FRMD4B: variants seen among roughly 807,000 people sequenced by gnomAD.
FRMD4B encodes FERM domain containing 4B, also known as FERM domain-containing protein 4B.
A neutral mutation model predicts 141.5 loss-of-function variants in FRMD4B; 74 were observed. That is an observed-to-expected ratio of 0.52 (90% confidence interval 0.43 to 0.63). The LOEUF is 0.63. FRMD4B is among the 30% of genes least tolerant of loss of function. FRMD4B has a pLI of 0.00. For missense variants in FRMD4B, 1,366 were observed against 1,253.4 expected (o/e 1.09, Z -1.36); for synonymous variants, 506 against 467.9 (o/e 1.08, Z -1.05).
chr3:69,216,034 A>C (rs2093136618), intron 11 of FRMD4B, among the ~76,000 whole-genome samples: 1 of 152,062 alleles, frequency 6.6e-6, no homozygotes, highest in Non-Finnish European at 1.5e-5. Flanking sequence ...TGTGCCTGTA[A>C]TCCCAGCTAC....
intron 1 of FRMD4B, among the ~76,000 whole-genome samples, chr3:69,498,233 C>G (rs904639654): frequency 2.0e-5 from 3 of 152,180 alleles, no homozygotes; most frequent in African/African-American, 7.2e-5. Context: ...GTTGAACATT[C>G]ATCTTCATTT....
intron 4 of FRMD4B, among the ~76,000 whole-genome samples, chr3:69,288,293 G>C (rs1196896919): frequency 6.6e-6 from 1 of 152,230 alleles, no homozygotes; most frequent in Non-Finnish European, 1.5e-5. Context: ...GGGGCCTGAG[G>C]GCCCCATGCC....
chr3:69,360,920 T>G (rs1703453383), intron 1 of FRMD4B, among the ~76,000 whole-genome samples: 1 of 152,200 alleles, frequency 6.6e-6, no homozygotes, highest in Admixed American at 6.5e-5. Flanking sequence ...CTATTATCCC[T>G]TACTTACTAG....
At chr3:69,534,075 A>G (rs1168343833) in intron 1 of FRMD4B, among the ~76,000 whole-genome samples, 1 of 152,194 alleles carries the variant, frequency 6.6e-6, no homozygotes, top group Non-Finnish European at 1.5e-5. Context: ...CCCGTACCAG[A>G]TCTACTGAAT....
intron 4 of FRMD4B, among the ~76,000 whole-genome samples, chr3:69,298,026 C>G (rs1194781488): frequency 6.6e-6 from 1 of 152,174 alleles, no homozygotes; most frequent in Non-Finnish European, 1.5e-5. Context: ...TGTTTCTGAG[C>G]TGCTCCCTCT....
At chr3:69,379,344 T>C (rs1311054324) in intron 1 of FRMD4B, among the ~76,000 whole-genome samples, 1 of 152,174 alleles carries the variant, frequency 6.6e-6, no homozygotes, top group African/African-American at 2.4e-5. Context: ...GGTGGCACAA[T>C]CTCAGCTCAC....
intron 5 of FRMD4B, among the ~76,000 whole-genome samples, chr3:69,279,001 C>A (rs1329941740): frequency 6.6e-6 from 1 of 152,132 alleles, no homozygotes; most frequent in Admixed American, 6.6e-5. Flanking sequence ...TTATGTCTTA[C>A]AAAGTATCAT....
At chr3:69,335,586 G>T (rs1024670064) in intron 1 of FRMD4B, among the ~76,000 whole-genome samples, 1 of 151,728 alleles carries the variant, frequency 6.6e-6, no homozygotes, top group Admixed American at 6.6e-5. Context: ...AAAGTGTTGG[G>T]ATTATGGGCA....
intron 1 of FRMD4B, among the ~76,000 whole-genome samples, chr3:69,472,770 C>T (rs1705913849): frequency 6.6e-6 from 1 of 151,990 alleles, no homozygotes; most frequent in African/African-American, 2.4e-5. Context: ...GCCACCAGTC[C>T]AGTGTTAAGA....
chr3:69,464,497 A>T (rs931028122), intron 1 of FRMD4B, among the ~76,000 whole-genome samples: 1 of 152,220 alleles, frequency 6.6e-6, no homozygotes, highest in Non-Finnish European at 1.5e-5. Context: ...TCTCTAAAAC[A>T]TGAAACTAGG....
chr3:69,188,763 C>CAAAAA, intron 18 of FRMD4B, among the ~76,000 whole-genome samples: 1 of 66,840 alleles, frequency 1.5e-5, no homozygotes, highest in African/African-American at 5.7e-5. Context: ...GACTCCGTCT[C>CAAAAA]AAAAAAAAAA....
At chr3:69,287,148 T>C (rs760402205) in intron 5 of FRMD4B, among the ~76,000 whole-genome samples, 73 of 152,248 alleles carry the variant, frequency 4.8e-4, no homozygotes, top group Non-Finnish European at 9.0e-4. Context: ...CATCCCAGCA[T>C]GGGATTATTT....
intron 2 of FRMD4B, among the ~76,000 whole-genome samples, chr3:69,422,978 G>A (rs1315131971): frequency 2.6e-5 from 4 of 152,186 alleles, no homozygotes; most frequent in African/African-American, 7.2e-5. Context: ...CTGGGCATGA[G>A]TCCCATGTAA....
At chr3:69,380,794 G>A (rs1177468926) in intron 1 of FRMD4B, among the ~76,000 whole-genome samples, 1 of 152,178 alleles carries the variant, frequency 6.6e-6, no homozygotes, top group African/African-American at 2.4e-5. Context: ...TTCAGGGTTT[G>A]CAAGAAATTC....
At position 69,455,432 on chromosome 3, in the gene FRMD4B, A is replaced by G. The variant is rs72933504; in HGVS notation, c.-128-22671T>C. On this transcript the variant is annotated intron_variant, in intron 1 of 5. Coordinates refer to the FRMD4B transcript ENST00000459638. The stretch of plus-strand genomic sequence containing the variant: ...TCATCTGAGAACAGTGAGACCACGA[A>G]TGCACCAGGAGGAATGAACAACTCC... Among the ~76,000 whole-genome samples, 1,348 of 152,356 alleles carry G rather than the reference A, an allele frequency of 8.8e-3. 20 individuals are homozygous for G. Among genetic ancestry groups the G allele is most frequent in the African/African-American group, 0.031 (1,279 of 41,580 alleles).
chr3:69,357,651 T>A (rs900669), intron 1 of FRMD4B, among the ~76,000 whole-genome samples: 57,783 of 151,946 alleles, frequency 0.38, 13,497 homozygotes, highest in African/African-American at 0.66. Flanking sequence ...GCGTTTTATC[T>A]CAAAACTATC....
intron 16 of FRMD4B, 51 bp downstream of exon 16, chr3:69,194,971 C>G: frequency 6.4e-7 from 1 of 1,555,538 alleles, no homozygotes; most frequent in South Asian, 1.2e-5. Context: ...TACACTCAGA[C>G]AGCTTTCCTG....
intron 4 of FRMD4B, among the ~76,000 whole-genome samples, chr3:69,298,655 G>A (rs1271187779): frequency 6.6e-6 from 1 of 152,182 alleles, no homozygotes; most frequent in Non-Finnish European, 1.5e-5. Context: ...TGCACCTGCT[G>A]TTCCCCTGGC....
rs186925450 is a variant in FRMD4B, at chr3:69,366,123, G to A, written c.162+19705C>T. Among the ~76,000 whole-genome samples the A allele has an allele frequency of 2.7e-3, 405 of 149,768 alleles. 5 individuals carry two copies. Among genetic ancestry groups the A allele is most frequent in the Non-Finnish European group, 4.8e-3 (327 of 67,686 alleles). On this transcript the variant is annotated intron_variant, in intron 1 of 22. Transcript: ENST00000398540. The stretch of plus-strand genomic sequence containing the variant: ...CACACACACAAAATTAGCTGGTCAT[G>A]GTGGCACAGGCTTGTAATCCCGGCT...
Sources: gnomAD v4.1 joint callset for allele counts (sites outside exome capture counted in the v4.1 genomes callset) on GRCh38, gnomAD v4.1.1 for gene constraint, MANE v1.5 for transcripts, NCBI Gene and HGNC (gene_info 2026-07-23, HGNC 2026-07-21) for gene names.